Variants in CRTAC1 observed in about 807,000 individuals in gnomAD.
CRTAC1 encodes acidic secreted protein in cartilage.
Under a neutral mutation model 67.8 loss-of-function variants are expected in CRTAC1, and 37 were observed. That is an observed-to-expected ratio of 0.55 (90% CI 0.42 to 0.72). The LOEUF is 0.72. Among genes scored for constraint, CRTAC1 ranks in the 30% least tolerant of loss-of-function variants. CRTAC1 has a pLI of 0.00. For missense variants in CRTAC1, 780 were observed against 931.6 expected (o/e 0.84, Z 2.12); for synonymous variants, 348 against 371.0 (o/e 0.94, Z 0.71).
chr10:98,011,325 A>G lies in CRTAC1; in HGVS notation c.37T>C (p.Leu13=). ...PSADPGMSRM[L]PFLLLLWFLP... ...AACCAGAGCAGCAGCAGGAACGGTA[A>G]CATCCTGGACATCTGAAACCAAAAG... The change falls in exon 2 of 15, where the codon TTA becomes CTA. Residue 13 remains leucine, a synonymous_variant. Coordinates refer to ENST00000370597, the MANE Select transcript of CRTAC1 (RefSeq NM_018058.7). 2 of 1,613,880 alleles carry G rather than the reference A, an allele frequency of 1.2e-6. No homozygotes were observed. The highest frequency in any genetic ancestry group is 1.7e-6 in the Non-Finnish European group (2 of 1,180,024).
chr10:97,889,927 C>A (rs749987136), intron 11 of CRTAC1, among the ~76,000 whole-genome samples: 2 of 152,166 alleles, frequency 1.3e-5, no homozygotes, highest in Admixed American at 6.5e-5. Context: ...GACATTCCCG[C>A]TTCTCACCCC....
rs573918092 is a variant in CRTAC1 at position 98,011,396 on chromosome 10, C to T, written c.25-59G>A. 2.9e-5 allele frequency: 46 copies of T among 1,601,766 alleles called. No homozygotes were observed. The African/African-American group carries it at 3.1e-4, about 11-fold the overall frequency. Reference sequence around the variant, plus strand: ...ACCTGTAACCAAAGCAATCCCGGAACATTAAAGTCCTGGGTAGGCCCAGAG... The same window carrying T: ...ACCTGTAACCAAAGCAATCCCGGAATATTAAAGTCCTGGGTAGGCCCAGAG... On this transcript the variant is annotated intron_variant, in intron 1 of 14. Coordinates refer to ENST00000370597, the MANE Select transcript of CRTAC1 (RefSeq NM_018058.7).
chr10:97,901,314 T>A lies in CRTAC1; in HGVS notation c.1133+189A>T, dbSNP rs559418347. On this transcript the variant is annotated intron_variant, in intron 8 of 14. Transcript: ENST00000370597. ...TCCTTGGCCAGGCTTTGCCCTGCAT[T>A]CCCACAGCCTCTTGCCCAGTCCTCG... Among the ~76,000 whole-genome samples the A allele has an allele frequency of 2.6e-5, 4 of 152,354 alleles. No individual in the cohort carries two copies. The South Asian group carries it at 8.3e-4, about 32-fold the overall frequency.
chr10:97,966,061 A>G (rs485828), intron 2 of CRTAC1, among the ~76,000 whole-genome samples: 54,513 of 152,134 alleles, frequency 0.36, 10,179 homozygotes, highest in Non-Finnish European at 0.42. Context: ...AGCCAAGGCC[A>G]CTACATAGGT....
rs144574908 is a variant in CRTAC1 at position 97,945,250 on chromosome 10, T to C, written c.225-8884A>G. Among the ~76,000 whole-genome samples the C allele has an allele frequency of 3.2e-3, 484 of 152,252 alleles. 1 individual carries two copies. The highest frequency in any genetic ancestry group is 4.7e-3 in the Admixed American group (72 of 15,296). On this transcript the variant is annotated intron_variant, in intron 2 of 14. Coordinates refer to ENST00000370597, the MANE Select transcript of CRTAC1 (RefSeq NM_018058.7). ...GTGTTGGTACTTGGATCTGAGGATATGGGAAGGTCTGTGCAGAGCCCGAGG... is the reference window on the plus strand; with the variant it reads ...GTGTTGGTACTTGGATCTGAGGATACGGGAAGGTCTGTGCAGAGCCCGAGG...
intron 14 of CRTAC1, chr10:97,879,858 G>GT: frequency 1.5e-6 from 1 of 645,812 alleles, no homozygotes; most frequent in Non-Finnish European, 2.5e-6. Context: ...AGGGGGTGGG[G>GT]ACGGGGTGGG....
At chr10:97,879,598 G>C in intron 14 of CRTAC1, 5 of 1,480,030 alleles carry the variant, frequency 3.4e-6, no homozygotes, top group Non-Finnish European at 3.6e-6. Flanking sequence ...ACTGGGCGTG[G>C]AGAGAGAGAC....
At chr10:98,010,395 C>T (rs1230830426) in intron 2 of CRTAC1, among the ~76,000 whole-genome samples, 2 of 152,196 alleles carry the variant, frequency 1.3e-5, no homozygotes, top group African/African-American at 2.4e-5. Context: ...TGCACTGTCA[C>T]ACACAATAGC....
chr10:98,022,367 AAAAGAAAGAAAG>A (rs1279603738), intron 1 of CRTAC1, among the ~76,000 whole-genome samples: 1 of 152,100 alleles, frequency 6.6e-6, no homozygotes. Flanking sequence ...AAAAGAAAAA[AAAAGAAAGAAAG>A]AAAGAAAAAA....
chr10:98,009,471 T>C (rs1842865007), intron 2 of CRTAC1, among the ~76,000 whole-genome samples: 2 of 152,220 alleles, frequency 1.3e-5, no homozygotes, highest in African/African-American at 4.8e-5. Context: ...ATCTTTTCTA[T>C]ACATCATCAC....
chr10:97,991,526 G>A (rs1470992455), intron 2 of CRTAC1, among the ~76,000 whole-genome samples: 2 of 152,048 alleles, frequency 1.3e-5, no homozygotes, highest in East Asian at 3.8e-4. Flanking sequence ...CTAAGACAAG[G>A]GTTGGTCCAG....
At chr10:98,022,282 G>C (rs913830979) in intron 1 of CRTAC1, among the ~76,000 whole-genome samples, 3 of 152,054 alleles carry the variant, frequency 2.0e-5, no homozygotes, top group African/African-American at 7.2e-5. Context: ...TTGAACCTGG[G>C]AGGCAGAGGT....
In CRTAC1 at chr10:97,895,281, G is replaced by T; in HGVS notation, c.1450C>A (p.Leu484Met). ...TGTGCCACGGGCTCCATCTCACACA[G>T]GTAGCCTGAGCCCCCGTCGATGATC... is the stretch of plus-strand genomic sequence containing the variant. ...LRIIDGGSGY[L>M]CEMEPVAHFG... Residue 484 changes from leucine to methionine, a missense_variant, in exon 11 of 15, where the codon CTG (leucine) becomes ATG (methionine). Leu to Met is a conservative substitution (Grantham distance 15, BLOSUM62 2). Transcript: ENST00000370597. The surrounding 1 kb of genome is among the most constrained non-coding windows in gnomAD (Gnocchi z 4.2). 6.2e-7 allele frequency: 1 copy of T among 1,613,144 alleles called. No individual in the cohort carries two copies. Among genetic ancestry groups the T allele is most frequent in the South Asian group, 1.1e-5 (1 of 91,070 alleles).
chr10:98,030,013 G>C lies in CRTAC1; in HGVS notation c.24+436C>G, dbSNP rs1843334543. ...AGCCTGGAAGCGTAGGCACTCGGCC[G>C]AGGCCAGTGGCTTCCCAGGCCCGGG... is the stretch of plus-strand genomic sequence containing the variant. On this transcript the variant is annotated intron_variant, in intron 1 of 14. Coordinates refer to ENST00000370597, the MANE Select transcript of CRTAC1 (RefSeq NM_018058.7). The surrounding 1 kb of genome is among the most constrained non-coding windows in gnomAD (Gnocchi z 4.2). Among the ~76,000 whole-genome samples, 1 of 151,124 alleles carries C rather than the reference G, an allele frequency of 6.6e-6. No homozygotes were observed. Among genetic ancestry groups the C allele is most frequent in the African/African-American group, 2.4e-5 (1 of 41,010 alleles).
chr10:97,901,562 C>G lies in CRTAC1; in HGVS notation c.1074G>C (p.Glu358Asp). 1 of 1,614,218 alleles carries G rather than the reference C, an allele frequency of 6.2e-7. No homozygotes were observed. The highest frequency in any genetic ancestry group is 2.2e-5 in the East Asian group (1 of 44,884). The change falls in exon 8 of 15, where the codon GAG becomes GAC. Residue 358 changes from glutamate (E) to aspartate (D), a missense_variant. Glu to Asp is a conservative substitution (Grantham distance 45, BLOSUM62 2). Transcript: ENST00000370597. Reference sequence around the variant, plus strand: ...CAATGTTGTTGAAGAAGATCTCCAGCTCCTGGTCATTGTCAAAGTCGGCGG... The same window carrying G: ...CAATGTTGTTGAAGAAGATCTCCAGGTCCTGGTCATTGTCAAAGTCGGCGG... The part of the protein sequence containing the change: ...VITADFDNDQ[E>D]LEIFFNNIAY...
At chr10:97,951,875 A>C (rs938748371) in intron 2 of CRTAC1, among the ~76,000 whole-genome samples, 1 of 152,210 alleles carries the variant, frequency 6.6e-6, no homozygotes, top group Non-Finnish European at 1.5e-5. Context: ...TTTGGGGAGC[A>C]CATCAAAAAG....
intron 14 of CRTAC1, chr10:97,878,647 T>C: frequency 1.5e-6 from 2 of 1,304,194 alleles, no homozygotes; most frequent in South Asian, 2.5e-5. Flanking sequence ...AGGAGCATTC[T>C]ATTTTCCAAG....
chr10:97,989,001 C>T (rs1303382406), intron 2 of CRTAC1, among the ~76,000 whole-genome samples: 2 of 152,168 alleles, frequency 1.3e-5, no homozygotes, highest in African/African-American at 4.8e-5. Context: ...CTGTTGAGGG[C>T]ATGAGTAGAA....
chr10:97,889,926 G>A (rs369110889), intron 11 of CRTAC1, among the ~76,000 whole-genome samples: 3 of 152,196 alleles, frequency 2.0e-5, no homozygotes, highest in African/African-American at 4.8e-5. Flanking sequence ...TGACATTCCC[G>A]CTTCTCACCC....
Sources: allele counts gnomAD v4.1 joint callset (sites outside exome capture counted in the v4.1 genomes callset), GRCh38; gene constraint gnomAD v4.1.1; non-coding constraint Gnocchi (gnomAD v3.1); transcripts MANE v1.5; gene names NCBI Gene and HGNC (gene_info 2026-07-23, HGNC 2026-07-21).